CEP112: variants seen among roughly 807,000 people sequenced by gnomAD.
CEP112 encodes centrosomal protein of 112 kDa.
A neutral mutation model predicts 153.0 loss-of-function variants in CEP112; 127 were observed. The ratio of observed to expected loss-of-function variants is 0.83; its 90% confidence interval spans 0.72 to 0.96. The LOEUF (loss-of-function observed/expected upper bound fraction) is 0.96. Among genes scored for constraint, CEP112 ranks in the 40% least tolerant of loss-of-function variants. The probability of loss-of-function intolerance (pLI) is 0.00; values close to 1 mark genes in which losing one functional copy is unlikely to be tolerated. For missense variants in CEP112, 1,089 were observed against 1,101.2 expected, an observed-to-expected ratio of 0.99 and a Z score of 0.16; for synonymous variants, 358 against 374.4, an observed-to-expected ratio of 0.96 and a Z score of 0.51.
intron 6 of CEP112, among the ~76,000 whole-genome samples, chr17:66,112,529 G>C (rs2146386951): frequency 6.6e-6 from 1 of 152,224 alleles, no homozygotes; most frequent in South Asian, 2.1e-4. Context: ...AAATGTTCAA[G>C]ATGTGAAACA....
At chr17:65,912,738 A>C (rs1434824769) in intron 19 of CEP112, among the ~76,000 whole-genome samples, 9 of 152,232 alleles carry the variant, frequency 5.9e-5, no homozygotes, top group African/African-American at 2.2e-4. Context: ...ACTGTATCCA[A>C]AATTATATTG....
intron 17 of CEP112, among the ~76,000 whole-genome samples, chr17:65,995,793 G>A (rs916300112): frequency 2.6e-5 from 4 of 152,174 alleles, no homozygotes; most frequent in Admixed American, 6.5e-5. Flanking sequence ...CCCAGTGGGA[G>A]ATAACTGAAT....
chr17:66,174,323 T>C (rs2072376369), intron 4 of CEP112, among the ~76,000 whole-genome samples: 1 of 152,226 alleles, frequency 6.6e-6, no homozygotes, highest in East Asian at 1.9e-4. Flanking sequence ...ATAACATTTC[T>C]ATATCTGTTT....
intron 24 of CEP112, among the ~76,000 whole-genome samples, chr17:65,659,040 A>AAAAT (rs1462328087): frequency 6.0e-5 from 9 of 149,714 alleles, no homozygotes; most frequent in African/African-American, 2.0e-4. Flanking sequence ...AAAAAAAAAA[A>AAAAT]ATATCAGACC....
chr17:65,738,469 AAC>A (rs928454007), intron 23 of CEP112, among the ~76,000 whole-genome samples: 1 of 152,168 alleles, frequency 6.6e-6, no homozygotes, highest in African/African-American at 2.4e-5. Context: ...ATTTTTCTAA[AAC>A]AACAAAAAAA....
chr17:65,813,713 G>A (rs2056112663), intron 21 of CEP112, among the ~76,000 whole-genome samples: 1 of 152,156 alleles, frequency 6.6e-6, no homozygotes, highest in African/African-American at 2.4e-5. Context: ...TTTACACATG[G>A]AAAGCACACA....
chr17:65,674,415 A>G (rs2047127952), intron 24 of CEP112, among the ~76,000 whole-genome samples: 1 of 152,236 alleles, frequency 6.6e-6, no homozygotes, highest in African/African-American at 2.4e-5. Context: ...ACATTTTTAC[A>G]TGGTGGCCTT....
At chr17:65,917,099 C>G (rs2060522510) in intron 19 of CEP112, among the ~76,000 whole-genome samples, 1 of 152,150 alleles carries the variant, frequency 6.6e-6, no homozygotes, top group South Asian at 2.1e-4. Flanking sequence ...GGTACTTTGC[C>G]ATTGCCTGCA....
At chr17:66,166,517 A>C (rs1468230061) in intron 4 of CEP112, among the ~76,000 whole-genome samples, 1 of 152,180 alleles carries the variant, frequency 6.6e-6, no homozygotes, top group Non-Finnish European at 1.5e-5. Context: ...TTTTCACAGA[A>C]TTGTAAAGCA....
chr17:65,835,397 C>T (rs1304137640), intron 21 of CEP112, among the ~76,000 whole-genome samples: 2 of 152,106 alleles, frequency 1.3e-5, no homozygotes, highest in Non-Finnish European at 2.9e-5. Flanking sequence ...ATCCCCAAGG[C>T]ACACACTAAT....
rs572492509 is a variant in CEP112, at chr17:65,879,295, T to C, written c.2163+22857A>G. The stretch of plus-strand genomic sequence containing the variant: ...CACCAAGAGGACAGGTGACATGACA[T>C]AGGGCTGCAAGCAGGAATGCTGTGG... On this transcript the variant is annotated intron_variant, in intron 20 of 26. Coordinates refer to ENST00000535342, the MANE Select transcript of CEP112 (RefSeq NM_001199165.4). Among the ~76,000 whole-genome samples, 14 of 152,230 alleles carry C rather than the reference T, an allele frequency of 9.2e-5. No individual in the cohort carries two copies. The East Asian group carries it at 1.5e-3, about 17-fold the overall frequency.
intron 17 of CEP112, among the ~76,000 whole-genome samples, chr17:65,983,650 C>T (rs2145165491): frequency 6.6e-6 from 1 of 152,318 alleles, no homozygotes; most frequent in East Asian, 1.9e-4. Context: ...TCCCCCTCCA[C>T]CTTCTAACCA....
At chr17:65,971,410 C>CAAGCAGCACATATATTGG (rs2062793880) in intron 17 of CEP112, among the ~76,000 whole-genome samples, 4 of 49,798 alleles carry the variant, frequency 8.0e-5, no homozygotes, top group Non-Finnish European at 1.3e-4. Flanking sequence ...ATATTGCACC[C>CAAGCAGCACATATATTGG]ATGCAGCATG....
Position 65,718,097 on chromosome 17 carries a change from A to C in CEP112, c.2607+24971T>G, listed in dbSNP as rs1351301696. On this transcript the variant is annotated intron_variant, in intron 23 of 26. Coordinates refer to ENST00000535342, the MANE Select transcript of CEP112 (RefSeq NM_001199165.4). ...AACTGGAAGTTGCATTTACTATTTA[A>C]ATTTCAATCAAATATTTACTATTTT... 3.3e-5 allele frequency among the ~76,000 whole-genome samples: 5 copies of C among 152,190 alleles called. No individual in the cohort carries two copies. In the South Asian group the frequency reaches 8.3e-4, roughly 25 times the overall value.
At chr17:65,795,791 G>A (rs768099552) in intron 21 of CEP112, among the ~76,000 whole-genome samples, 4 of 152,090 alleles carry the variant, frequency 2.6e-5, no homozygotes, top group South Asian at 2.1e-4. Flanking sequence ...CAGCCTAGGC[G>A]ACAGAGTGAG....
intron 17 of CEP112, among the ~76,000 whole-genome samples, chr17:65,987,685 C>G (rs117011212): frequency 0.023 from 3,484 of 151,836 alleles, 70 homozygotes; most frequent in Non-Finnish European, 0.028. Flanking sequence ...TCACAGAACT[C>G]AAATATGAGA....
At chr17:66,129,429 C>G (rs1189992065) in intron 6 of CEP112, among the ~76,000 whole-genome samples, 1 of 152,192 alleles carries the variant, frequency 6.6e-6, no homozygotes, top group Non-Finnish European at 1.5e-5. Flanking sequence ...CTCCCCTCCA[C>G]CTCGGGCGAC....
rs72146457 is a variant in CEP112, at chr17:66,110,676, G to GA, written c.643-14045dup. 5.5e-3 allele frequency among the ~76,000 whole-genome samples: 737 copies of GA among 133,442 alleles called. 5 individuals are homozygous for GA. The highest frequency in any genetic ancestry group is 0.012 in the South Asian group (49 of 4,184). 87.5% of individuals were successfully genotyped at this position (133,442 alleles called of 152,430 possible). On this transcript the variant is annotated intron_variant, in intron 6 of 26. Coordinates refer to ENST00000535342, the MANE Select transcript of CEP112 (RefSeq NM_001199165.4). ...AGAAAAGATTTGCCAAACAAGAAAT[G>GA]AAAAAAAAAAAAGCATAAATACAAA...
At chr17:66,046,106 G>A (rs922065604) in intron 12 of CEP112, among the ~76,000 whole-genome samples, 3 of 151,668 alleles carry the variant, frequency 2.0e-5, no homozygotes, top group East Asian at 1.9e-4. Context: ...GCAGTGGTGC[G>A]ATCTCTCCTC....
Sources: allele counts gnomAD v4.1 joint callset (sites outside exome capture counted in the v4.1 genomes callset), GRCh38; gene constraint gnomAD v4.1.1; transcripts MANE v1.5; gene names NCBI Gene and HGNC (gene_info 2026-07-23, HGNC 2026-07-21).